The following TOR1AIP1 variants were observed in gnomAD, a reference collection of about 807,000 sequenced individuals.
TOR1AIP1 encodes the protein torsin-1A-interacting protein 1.
Under a neutral mutation model 63.3 loss-of-function variants are expected in TOR1AIP1, and 54 were observed. That is an observed-to-expected ratio of 0.85 (90% confidence interval 0.69 to 1.07). The LOEUF is 1.07. TOR1AIP1 is among the 50% of genes least tolerant of loss of function. The pLI is 0.00. For synonymous variants in TOR1AIP1, 294 were observed against 273.5 expected (o/e 1.07, Z -0.74); for missense variants, 736 against 715.0 (o/e 1.03, Z -0.33).
chr1:179,891,190 C>T (rs2148472618), intron 3 of TOR1AIP1, among the ~76,000 whole-genome samples: 1 of 152,138 alleles, frequency 6.6e-6, no homozygotes, highest in East Asian at 1.9e-4. Context: ...GAGATAACAA[C>T]TTACCAATTA....
At chr1:179,896,817 C>A (rs1471810819) in intron 3 of TOR1AIP1, among the ~76,000 whole-genome samples, 3 of 152,096 alleles carry the variant, frequency 2.0e-5, no homozygotes, top group Non-Finnish European at 4.4e-5. Context: ...AGCCATAATT[C>A]TTTATCTGAG....
intron 8 of TOR1AIP1, 91 bp downstream of exon 8, chr1:179,908,764 A>C: frequency 9.0e-7 from 1 of 1,114,836 alleles, no homozygotes; most frequent in Non-Finnish European, 1.3e-6. Flanking sequence ...ATAAACATTT[A>C]GGTTGTTTGT....
chr1:179,893,626 A>G (rs559555642), intron 3 of TOR1AIP1, among the ~76,000 whole-genome samples: 1 of 152,128 alleles, frequency 6.6e-6, no homozygotes, highest in South Asian at 2.1e-4. Context: ...TTTTTAGCAG[A>G]GGCAGCATTT....
intron 3 of TOR1AIP1, among the ~76,000 whole-genome samples, chr1:179,890,540 G>T (rs1312245698): frequency 6.6e-6 from 1 of 152,110 alleles, no homozygotes; most frequent in Non-Finnish European, 1.5e-5. Flanking sequence ...TATGTCTCTT[G>T]CAGATTCGAC....
intron 3 of TOR1AIP1, among the ~76,000 whole-genome samples, chr1:179,899,853 C>G (rs1648393755): frequency 6.6e-6 from 1 of 152,200 alleles, no homozygotes; most frequent in Non-Finnish European, 1.5e-5. Flanking sequence ...CCATGTTGAC[C>G]AGGCTGGTCT....
rs1647738639 is a variant in TOR1AIP1 at position 179,882,552 on chromosome 1, T to A, written c.50T>A (p.Val17Glu). 1 of 1,498,868 alleles carries A rather than the reference T, an allele frequency of 6.7e-7. No homozygotes were observed. Among genetic ancestry groups the A allele is most frequent in the Non-Finnish European group, 8.9e-7 (1 of 1,127,668 alleles). 92.8% of individuals were successfully genotyped at this position (1,498,868 alleles called of 1,614,324 possible). Residue 17 changes from valine (V) to glutamate (E), a missense_variant, in exon 1 of 10, where the codon GTG becomes GAG. Around this residue, in one of 2 missense-constraint regions of TOR1AIP1, gnomAD observed 464 missense variants for 371.0 expected, o/e 1.25. Coordinates refer to ENST00000606911, the MANE Select transcript of TOR1AIP1 (RefSeq NM_015602.4). ...RAEAVREGWG[V>E]YVTPRAPIRE... ...GAGGCGGTGCGGGAAGGATGGGGTG[T>A]GTACGTCACCCCCAGGGCCCCCATC... is the stretch of plus-strand genomic sequence containing the variant.
At chr1:179,894,896 T>C (rs535672533) in intron 3 of TOR1AIP1, among the ~76,000 whole-genome samples, 26 of 152,286 alleles carry the variant, frequency 1.7e-4, no homozygotes, top group African/African-American at 6.3e-4. Flanking sequence ...ACAGGAGAAA[T>C]GTAGATGCTT....
chr1:179,911,326 T>C (rs1427973965), intron 8 of TOR1AIP1, among the ~76,000 whole-genome samples: 1 of 152,222 alleles, frequency 6.6e-6, no homozygotes, highest in Non-Finnish European at 1.5e-5. Flanking sequence ...TCTTTAACTA[T>C]ATATTTCTGC....
intron 6 of TOR1AIP1, among the ~76,000 whole-genome samples, chr1:179,905,552 A>G (rs549740963): frequency 2.8e-4 from 42 of 152,158 alleles, no homozygotes; most frequent in African/African-American, 1.0e-3. Flanking sequence ...GTGGAAAATT[A>G]CTCTTCGAAT....
intron 1 of TOR1AIP1, 128 bp downstream of exon 1, chr1:179,883,105 C>A: frequency 1.1e-6 from 1 of 877,252 alleles, no homozygotes; most frequent in Non-Finnish European, 1.8e-6. Context: ...TATTCCTCAG[C>A]CCCCTCTGGA....
chr1:179,883,010 G>A lies in TOR1AIP1; in HGVS notation c.475+33G>A, dbSNP rs1647784737. ...CCGCGGAGGTAACAGTCCCAGCCGC[G>A]AGCCAGGGAACGCGCGGGGGCGGGC... On this transcript the variant is annotated intron_variant, in intron 1 of 9. Transcript: ENST00000606911. 3.2e-6 allele frequency: 5 copies of A among 1,583,386 alleles called. No individual in the cohort carries two copies. The East Asian group carries it at 1.2e-4, about 37-fold the overall frequency.
Position 179,882,458 on chromosome 1 carries a change from T to C in TOR1AIP1, c.-45T>C. On this transcript the variant is annotated 5_prime_UTR_variant, in exon 1 of 10. Coordinates refer to ENST00000606911, the MANE Select transcript of TOR1AIP1 (RefSeq NM_015602.4). ...CCACCACCGGCAGGAGAACCTAGGG[T>C]CCATAAAGCCATCTTCGCGATCGAC... The C allele has an allele frequency of 5.0e-6, 7 of 1,390,122 alleles. No individual in the cohort carries two copies. The highest frequency in any genetic ancestry group is 6.5e-6 in the Non-Finnish European group (7 of 1,069,150). 86.1% of individuals were successfully genotyped at this position (1,390,122 alleles called of 1,614,324 possible).
chr1:179,905,952 C>CA (rs201826606), intron 6 of TOR1AIP1, among the ~76,000 whole-genome samples: 8,142 of 149,526 alleles, frequency 0.054, 311 homozygotes, highest in Non-Finnish European at 0.068. Context: ...GACTCCATCT[C>CA]AAAAAAAAAG....
intron 8 of TOR1AIP1, among the ~76,000 whole-genome samples, chr1:179,912,711 A>C (rs572555023): frequency 1.3e-5 from 2 of 152,364 alleles, no homozygotes; most frequent in South Asian, 4.1e-4. Flanking sequence ...AAATATCCTA[A>C]GCTAAACTAG....
chr1:179,882,947 A>G lies in TOR1AIP1; in HGVS notation c.445A>G (p.Arg149Gly), dbSNP rs370080133. The change falls in exon 1 of 10, where the codon AGA becomes GGA. Residue 149 changes from arginine to glycine, a missense_variant. Transcript: ENST00000606911. ...PLQPSPVMTR[R>G]GLRDSHSSEE... ...ACAGCCGTCTCCTGTTATGACCAGGAGAGGGCTGCGGGACTCTCATTCCTC... is the reference window on the plus strand; with the variant it reads ...ACAGCCGTCTCCTGTTATGACCAGGGGAGGGCTGCGGGACTCTCATTCCTC... 8.7e-6 allele frequency: 14 copies of G among 1,613,484 alleles called. No individual in the cohort carries two copies. The highest frequency in any genetic ancestry group is 5.3e-5 in the African/African-American group (4 of 74,920).
chr1:179,889,288 A>C, intron 2 of TOR1AIP1, 25 bp from the exon 3 acceptor site: 1 of 1,544,448 alleles, frequency 6.5e-7, no homozygotes. Flanking sequence ...ATATTTTTAA[A>C]TGTTTTCTCT....
In TOR1AIP1 at chr1:179,918,223, G is replaced by A. The variant is rs1649087739; in HGVS notation, c.1736G>A (p.Arg579Lys). The A allele has an allele frequency of 2.5e-6, 4 of 1,599,528 alleles. No individual in the cohort carries two copies. The highest frequency in any genetic ancestry group is 3.4e-6 in the Non-Finnish European group (4 of 1,178,070). ...LPVQPENALKRGICL is the reference protein window; with the variant it reads ...LPVQPENALKKGICL ...GTGCAACCTGAAAATGCCCTGAAAA[G>A]GGGCATCTGCTTATAAGAAGTGAGA... is the stretch of plus-strand genomic sequence containing the variant. Residue 579 changes from arginine (R) to lysine (K), a missense_variant, in exon 10 of 10, where the codon AGG (arginine) becomes AAG (lysine). Physicochemically the swap from Arg to Lys is conservative, Grantham distance 26. Transcript: ENST00000606911.
chr1:179,914,536 C>G (rs985193679), intron 9 of TOR1AIP1, among the ~76,000 whole-genome samples: 2 of 152,180 alleles, frequency 1.3e-5, no homozygotes, highest in African/African-American at 4.8e-5. Flanking sequence ...TGGCTCATGC[C>G]TGTAATCTCA....
intron 9 of TOR1AIP1, among the ~76,000 whole-genome samples, chr1:179,915,623 T>C (rs1648965474): frequency 6.6e-6 from 1 of 152,176 alleles, no homozygotes; most frequent in South Asian, 2.1e-4. Context: ...CTGGGAATGG[T>C]GGCACGCACC....
Sources: allele counts gnomAD v4.1 joint callset (sites outside exome capture counted in the v4.1 genomes callset), GRCh38; gene constraint gnomAD v4.1.1; regional missense constraint gnomAD v4.1.1; transcripts MANE v1.5; gene names NCBI Gene and HGNC (gene_info 2026-07-23, HGNC 2026-07-21).